The following MAGI2 variants were observed in gnomAD, a reference collection of about 807,000 sequenced individuals.
The protein encoded by MAGI2 is membrane-associated guanylate kinase, WW and PDZ domain-containing protein 2.
A neutral mutation model predicts 133.3 loss-of-function variants in MAGI2; 35 were observed. The ratio of observed to expected loss-of-function variants is 0.26; its 90% CI spans 0.20 to 0.35. MAGI2 has a LOEUF of 0.35. Among genes scored for constraint, MAGI2 ranks in the 10% least tolerant of loss-of-function variants. The pLI is 1.00. For synonymous variants in MAGI2, 729 were observed against 710.6 expected (o/e 1.03, Z -0.41); for missense variants, 1,636 against 1,863.4 (o/e 0.88, Z 2.25).
At chr7:79,028,209 T>A (rs1810095470) in intron 1 of MAGI2, among the ~76,000 whole-genome samples, 1 of 60,772 alleles carries the variant, frequency 1.6e-5, no homozygotes, top group Middle Eastern at 7.2e-3. Context: ...AGACTCCATC[T>A]CAAAAAAATA....
chr7:79,157,743 C>T (rs1479386182), intron 1 of MAGI2, among the ~76,000 whole-genome samples: 1 of 151,510 alleles, frequency 6.6e-6, no homozygotes, highest in Non-Finnish European at 1.5e-5. Flanking sequence ...TTTGACTTGC[C>T]AACTATAGGG....
chr7:78,125,112 C>G (rs1820852349), intron 20 of MAGI2, among the ~76,000 whole-genome samples: 1 of 152,150 alleles, frequency 6.6e-6, no homozygotes, highest in Non-Finnish European at 1.5e-5. Context: ...GATCCTCCCG[C>G]CTCAGCCTCC....
intron 6 of MAGI2, among the ~76,000 whole-genome samples, chr7:78,403,732 G>T (rs1311601977): frequency 6.6e-6 from 1 of 152,056 alleles, no homozygotes; most frequent in South Asian, 2.1e-4. Context: ...GTTTTGATTT[G>T]CATTTCTCTG....
intron 1 of MAGI2, among the ~76,000 whole-genome samples, chr7:79,226,506 T>C (rs1464597523): frequency 6.6e-6 from 1 of 152,100 alleles, no homozygotes; most frequent in Non-Finnish European, 1.5e-5. Context: ...AACATGAAAA[T>C]ATCTAATAGA....
chr7:79,341,667 G>A (rs1403298337), intron 1 of MAGI2, among the ~76,000 whole-genome samples: 6 of 152,134 alleles, frequency 3.9e-5, no homozygotes, highest in Admixed American at 3.3e-4. Context: ...GTGGCCAATA[G>A]AGGCTAGTTC....
intron 9 of MAGI2, among the ~76,000 whole-genome samples, chr7:78,330,831 C>G (rs575244431): frequency 1.9e-3 from 286 of 152,126 alleles, no homozygotes; most frequent in Non-Finnish European, 3.5e-3. Flanking sequence ...GAGGGAGGAT[C>G]AGATAAAAAT....
chr7:78,164,096 A>T (rs1524743), intron 15 of MAGI2, among the ~76,000 whole-genome samples: 1 of 151,888 alleles, frequency 6.6e-6, no homozygotes, highest in East Asian at 1.9e-4. Context: ...TCTTGCAAAT[A>T]CCTCATTTAC....
intron 1 of MAGI2, among the ~76,000 whole-genome samples, chr7:79,358,778 T>C (rs1469299193): frequency 6.6e-6 from 1 of 152,130 alleles, no homozygotes; most frequent in Non-Finnish European, 1.5e-5. Context: ...AGGAGAAACT[T>C]CAGTGGCACT....
rs576565501 is a variant in MAGI2 at position 78,127,511 on chromosome 7, G to C, written c.3204-95C>G. On this transcript the variant is annotated intron_variant, in intron 18 of 21. Transcript: ENST00000354212. ...CTCCAGAGGTGGGCCAGCCATGACAGCTCACACAAACCACTCCTCTCGGTG... is the reference window on the plus strand; with the variant it reads ...CTCCAGAGGTGGGCCAGCCATGACACCTCACACAAACCACTCCTCTCGGTG... 3.6e-6 allele frequency: 3 copies of C among 832,062 alleles called. No individual in the cohort carries two copies. The East Asian group carries it at 8.0e-5, about 22-fold the overall frequency. 51.5% of individuals were successfully genotyped at this position (832,062 alleles called of 1,614,324 possible). A position where few individuals can be genotyped will look rare whatever the true frequency, so the allele number is the denominator to read the frequency against.
chr7:79,310,162 C>CAAAAAAAAAAAAAAAAAAAAAAAAAAA (rs71518921), intron 1 of MAGI2, among the ~76,000 whole-genome samples: 1 of 16,292 alleles, frequency 6.1e-5, no homozygotes, highest in Non-Finnish European at 1.2e-4. Context: ...GAGTCCATCT[C>CAAAAAAAAAAAAAAAAAAAAAAAAAAA]AAAAAAAAAA....
chr7:78,471,878 T>C (rs552134459), intron 6 of MAGI2, among the ~76,000 whole-genome samples: 8 of 151,852 alleles, frequency 5.3e-5, no homozygotes, highest in African/African-American at 1.7e-4. Context: ...TGAGCCTAGA[T>C]TGCACCACTG....
At chr7:78,994,446 A>T (rs891931160) in intron 2 of MAGI2, among the ~76,000 whole-genome samples, 3 of 152,082 alleles carry the variant, frequency 2.0e-5, no homozygotes, top group Non-Finnish European at 4.4e-5. Flanking sequence ...TAGAGGTCTT[A>T]TTTAACCCAC....
chr7:79,052,402 A>C (rs1304895656), intron 1 of MAGI2, among the ~76,000 whole-genome samples: 2 of 152,326 alleles, frequency 1.3e-5, no homozygotes, highest in East Asian at 3.9e-4. Context: ...TAAGCCAAGC[A>C]CAGGGCCATT....
At chr7:78,922,603 T>C (rs1335742252) in intron 2 of MAGI2, among the ~76,000 whole-genome samples, 8 of 152,220 alleles carry the variant, frequency 5.3e-5, no homozygotes, top group Non-Finnish European at 2.9e-5. Context: ...TGTTGGACAC[T>C]TGGGTTGGTT....
At chr7:79,257,802 C>T (rs772891879) in intron 1 of MAGI2, among the ~76,000 whole-genome samples, 6 of 151,766 alleles carry the variant, frequency 4.0e-5, no homozygotes, top group Non-Finnish European at 8.8e-5. Flanking sequence ...ATGCTACTCA[C>T]GAGAAAAAGG....
intron 1 of MAGI2, among the ~76,000 whole-genome samples, chr7:79,275,716 T>C (rs1835183913): frequency 6.6e-6 from 1 of 152,174 alleles, no homozygotes; most frequent in African/African-American, 2.4e-5. Flanking sequence ...ACTGTCTTGC[T>C]AGGGGCCAAC....
chr7:78,455,654 T>G (rs1047822990), intron 6 of MAGI2, among the ~76,000 whole-genome samples: 1 of 152,156 alleles, frequency 6.6e-6, no homozygotes, highest in Non-Finnish European at 1.5e-5. Context: ...CTTATTAAAT[T>G]GTGGCTATTG....
chr7:79,034,467 G>C (rs531910569), intron 1 of MAGI2, among the ~76,000 whole-genome samples: 39 of 152,160 alleles, frequency 2.6e-4, no homozygotes, highest in Middle Eastern at 3.4e-3. Flanking sequence ...TCTTTCCCAA[G>C]TTCAATCAGC....
intron 2 of MAGI2, among the ~76,000 whole-genome samples, chr7:78,743,181 C>G (rs893574284): frequency 6.6e-6 from 1 of 152,142 alleles, no homozygotes; most frequent in East Asian, 1.9e-4. Flanking sequence ...ACTAGAACAT[C>G]CCCTCCTCTA....
Sources: gnomAD v4.1 joint callset for allele counts (sites outside exome capture counted in the v4.1 genomes callset) on GRCh38, gnomAD v4.1.1 for gene constraint, MANE v1.5 for transcripts, NCBI Gene and HGNC (gene_info 2026-07-23, HGNC 2026-07-21) for gene names.